Variants in EDIL3 observed in about 807,000 individuals in gnomAD.
EDIL3 encodes the protein EGF like and discoidin domains 3.
Under a neutral mutation model 67.4 loss-of-function variants are expected in EDIL3, and 37 were observed. The observed-to-expected ratio is 0.55, with a 90% confidence interval of 0.42 to 0.72. EDIL3 has a LOEUF of 0.72. EDIL3 is among the 30% of genes least tolerant of loss of function. The probability of loss-of-function intolerance (pLI) is 0.00; values close to 1 mark genes in which losing one functional copy is unlikely to be tolerated. For synonymous variants in EDIL3, 195 were observed against 196.3 expected (o/e 0.99, Z 0.05); for missense variants, 527 against 586.3 (o/e 0.90, Z 1.04).
At chr5:84,361,329 T>C (rs1316677383) in intron 1 of EDIL3, among the ~76,000 whole-genome samples, 1 of 151,632 alleles carries the variant, frequency 6.6e-6, no homozygotes, top group Non-Finnish European at 1.5e-5. Context: ...GCAAGATGAA[T>C]GTCTTGCTAT....
chr5:84,163,602 A>G (rs1748650510), intron 4 of EDIL3, among the ~76,000 whole-genome samples: 1 of 152,082 alleles, frequency 6.6e-6, no homozygotes, highest in Non-Finnish European at 1.5e-5. Flanking sequence ...TTAAAAGACT[A>G]ATCAGTGCAA....
At chr5:84,014,520 C>T (rs1745566797) in intron 9 of EDIL3, among the ~76,000 whole-genome samples, 1 of 152,102 alleles carries the variant, frequency 6.6e-6, no homozygotes, top group Admixed American at 6.6e-5. Context: ...TGACACGCGC[C>T]TGTAGATCCA....
At chr5:84,275,333 ATAG>A (rs904048788) in intron 1 of EDIL3, among the ~76,000 whole-genome samples, 2 of 152,252 alleles carry the variant, frequency 1.3e-5, no homozygotes, top group African/African-American at 4.8e-5. Flanking sequence ...CTACAATCAT[ATAG>A]TAGAACATGA....
chr5:84,238,768 T>C (rs892590382), intron 2 of EDIL3, among the ~76,000 whole-genome samples: 5 of 149,412 alleles, frequency 3.3e-5, no homozygotes, highest in Non-Finnish European at 7.4e-5. Context: ...GTAATTTTCT[T>C]ATCTGCAAAA....
Position 84,214,786 on chromosome 5 carries a change from C to T in EDIL3, c.226+15069G>A, listed in dbSNP as rs369405621. 2.2e-4 allele frequency among the ~76,000 whole-genome samples: 34 copies of T among 151,664 alleles called. No homozygotes were observed. In the South Asian group the frequency reaches 6.7e-3, roughly 30 times the overall value. ...AGGCTGGAGTGCAGTGGTGCAATTT[C>T]GGCTTCACTGCAACCTCCACCTCCT... On this transcript the variant is annotated intron_variant, in intron 3 of 10. Coordinates refer to ENST00000296591, the MANE Select transcript of EDIL3 (RefSeq NM_005711.5).
In EDIL3 at chr5:83,943,494, T is replaced by C; in HGVS notation, c.1368A>G (p.Ile456Met). The change falls in exon 11 of 11, where the codon ATA becomes ATG. Residue 456 changes from isoleucine to methionine, a missense_variant. Around this residue, in one of 2 missense-constraint regions of EDIL3, gnomAD observed 33 missense variants for 63.7 expected, o/e 0.52. Transcript: ENST00000296591. Reference protein sequence around the residue: ...VIDPPIYARHIRILPWSWYGR... With the variant: ...VIDPPIYARHMRILPWSWYGR... ...CGTACCAGGACCAAGGAAGGATTCT[T>C]ATGTGTCGTGCATAGATGGGAGGGT... 1.2e-6 allele frequency: 2 copies of C among 1,612,834 alleles called. No individual in the cohort carries two copies. The highest frequency in any genetic ancestry group is 1.1e-5 in the South Asian group (1 of 91,056).
intron 9 of EDIL3, among the ~76,000 whole-genome samples, chr5:84,012,127 GA>G (rs1266199335): frequency 6.6e-6 from 1 of 152,130 alleles, no homozygotes; most frequent in African/African-American, 2.4e-5. Context: ...GGAACATTTT[GA>G]AGGAGGACAG....
chr5:84,361,855 C>T (rs905850809), intron 1 of EDIL3, among the ~76,000 whole-genome samples: 4 of 151,862 alleles, frequency 2.6e-5, no homozygotes, highest in African/African-American at 9.7e-5. Context: ...AAAGAGACAA[C>T]TAATGTGATA....
At chr5:84,198,567 G>T (rs1019488206) in intron 3 of EDIL3, among the ~76,000 whole-genome samples, 1 of 152,074 alleles carries the variant, frequency 6.6e-6, no homozygotes, top group Non-Finnish European at 1.5e-5. Context: ...AATTAGCAAT[G>T]AAGTAAAATT....
At position 84,252,493 on chromosome 5, in the gene EDIL3, C is replaced by CAAAAAAAAAAAAAAAA. The variant is rs70975548; in HGVS notation, c.196+1575_196+1590dup. Among the ~76,000 whole-genome samples the CAAAAAAAAAAAAAAAA allele has an allele frequency of 7.6e-3, 220 of 28,932 alleles. 39 individuals are homozygous for CAAAAAAAAAAAAAAAA. Among genetic ancestry groups the CAAAAAAAAAAAAAAAA allele is most frequent in the East Asian group, 0.014 (5 of 366 alleles). The allele number at this position is 28,932 out of a possible 152,430, so 19.0% of individuals were successfully genotyped here. A position where few individuals can be genotyped will look rare whatever the true frequency, so the allele number is the denominator to read the frequency against. On this transcript the variant is annotated intron_variant, in intron 2 of 10. Coordinates refer to ENST00000296591, the MANE Select transcript of EDIL3 (RefSeq NM_005711.5). Reference sequence around the variant, plus strand: ...TGTGCGACAAAGTGAGACTCCGTCTCAAAAAAAAAAAAAAAAAAAAAAAAA... The same window carrying CAAAAAAAAAAAAAAAA: ...TGTGCGACAAAGTGAGACTCCGTCTCAAAAAAAAAAAAAAAAAAAAAAAAAAAAAAAAAAAAAAAAA...
At chr5:83,980,571 C>G (rs952470932) in intron 9 of EDIL3, among the ~76,000 whole-genome samples, 3 of 151,090 alleles carry the variant, frequency 2.0e-5, no homozygotes, top group Non-Finnish European at 2.9e-5. Context: ...ACTTGCAGTC[C>G]CAGCTACTCG....
chr5:84,230,437 C>T (rs1478330340), intron 2 of EDIL3, among the ~76,000 whole-genome samples: 1 of 149,136 alleles, frequency 6.7e-6, no homozygotes, highest in Non-Finnish European at 1.5e-5. Flanking sequence ...GATGGAGTTT[C>T]ACTCTTGTTG....
intron 1 of EDIL3, among the ~76,000 whole-genome samples, chr5:84,383,556 C>A (rs1748136072): frequency 6.6e-6 from 1 of 152,150 alleles, no homozygotes; most frequent in Admixed American, 6.5e-5. Flanking sequence ...CGCTCCTGTG[C>A]GGGGACGCGA....
chr5:84,240,936 T>C (rs1744781930), intron 2 of EDIL3, among the ~76,000 whole-genome samples: 1 of 152,200 alleles, frequency 6.6e-6, no homozygotes, highest in African/African-American at 2.4e-5. Flanking sequence ...CTCCTGTTTT[T>C]CTAATTTTTT....
At position 84,297,177 on chromosome 5, in the gene EDIL3, G is replaced by GGAA. The variant is rs763198310; in HGVS notation, c.68-42966_68-42965insTTC. ...AGCCTGGGCGACAGAGCAAGACTCC[G>GGAA]AAAAAAAAAAAAAAAAAAAAGACAC... On this transcript the variant is annotated intron_variant, in intron 1 of 10. Coordinates refer to ENST00000296591, the MANE Select transcript of EDIL3 (RefSeq NM_005711.5). Among the ~76,000 whole-genome samples, 95 of 63,244 alleles carry GGAA rather than the reference G, an allele frequency of 1.5e-3. 2 individuals carry two copies. The highest frequency in any genetic ancestry group is 0.02 in the Middle Eastern group (2 of 102). 41.5% of individuals were successfully genotyped at this position (63,244 alleles called of 152,430 possible).
intron 9 of EDIL3, among the ~76,000 whole-genome samples, chr5:83,996,054 G>A (rs1273411249): frequency 6.6e-6 from 1 of 152,096 alleles, no homozygotes; most frequent in East Asian, 1.9e-4. Context: ...TGGTAAATCG[G>A]AAGACATTTT....
chr5:84,322,074 A>C (rs1240328468), intron 1 of EDIL3, among the ~76,000 whole-genome samples: 4 of 151,522 alleles, frequency 2.6e-5, no homozygotes, highest in Non-Finnish European at 5.9e-5. Context: ...TATAATAATA[A>C]TAATAATAAT....
chr5:84,178,257 G>A (rs145798128), intron 4 of EDIL3, among the ~76,000 whole-genome samples: 14 of 152,236 alleles, frequency 9.2e-5, no homozygotes, highest in African/African-American at 3.4e-4. Context: ...TGATTCAGTT[G>A]ATTTCAGGTG....
intron 1 of EDIL3, among the ~76,000 whole-genome samples, chr5:84,369,148 G>A (rs1288822373): frequency 1.3e-5 from 2 of 151,352 alleles, no homozygotes; most frequent in East Asian, 3.9e-4. Flanking sequence ...GACTCTGAAA[G>A]GGATACTTGT....
Sources: gnomAD v4.1 joint callset for allele counts (sites outside exome capture counted in the v4.1 genomes callset) on GRCh38, gnomAD v4.1.1 for gene constraint, gnomAD v4.1.1 regional missense constraint, MANE v1.5 for transcripts, NCBI Gene and HGNC (gene_info 2026-07-23, HGNC 2026-07-21) for gene names.